TUSC3: variants seen among roughly 807,000 people sequenced by gnomAD.
The protein encoded by TUSC3 is dolichyl-diphosphooligosaccharide--protein glycosyltransferase subunit TUSC3.
A neutral mutation model predicts 44.8 loss-of-function variants in TUSC3; 45 were observed. The observed-to-expected ratio is 1.00, with a 90% CI of 0.79 to 1.29. The LOEUF is 1.29. Ranked by LOEUF, TUSC3 falls within the 50% of genes most tolerant of loss-of-function variation. The pLI is 0.00. For missense variants in TUSC3, 519 were observed against 437.9 expected (o/e 1.19, Z -1.65); for synonymous variants, 212 against 152.9 (o/e 1.39, Z -2.85).
Position 15,765,060 on chromosome 8 carries a change from T to C in TUSC3, c.*904T>C, listed in dbSNP as rs1356841615. ...ATCCTAGGATTAGTGAATGATTCAA[T>C]GAAGCTTTCTTGAAAACAAACATAG... On this transcript the variant is annotated 3_prime_UTR_variant, in exon 11 of 11. Transcript: ENST00000503731. 1.3e-5 allele frequency: 2 copies of C among 152,068 alleles called. No individual in the cohort carries two copies. The highest frequency in any genetic ancestry group is 2.9e-5 in the Non-Finnish European group (2 of 67,946). 9.4% of individuals were successfully genotyped at this position (152,068 alleles called of 1,614,324 possible). A position where few individuals can be genotyped will look rare whatever the true frequency, so the allele number is the denominator to read the frequency against.
intron 6 of TUSC3, among the ~76,000 whole-genome samples, chr8:15,722,414 AC>A (rs1261185295): frequency 6.6e-6 from 1 of 151,996 alleles, no homozygotes; most frequent in Admixed American, 6.6e-5. Flanking sequence ...GTCACAGTTA[AC>A]CAAAAATCTG....
chr8:15,465,101 G>C (rs752599605), intron 1 of TUSC3, among the ~76,000 whole-genome samples: 22 of 152,030 alleles, frequency 1.4e-4, no homozygotes, highest in Admixed American at 5.2e-4. Flanking sequence ...ACCTGCCTTG[G>C]CTCCCAAATT....
At position 15,546,873 on chromosome 8, in the gene TUSC3, T is replaced by TTGCC. The variant is rs1045305027; in HGVS notation, c.138+6323_138+6326dup. 3.3e-5 allele frequency among the ~76,000 whole-genome samples: 5 copies of TTGCC among 151,662 alleles called. No homozygotes were observed. The East Asian group carries it at 7.8e-4, about 24-fold the overall frequency. ...TTTTTTCATGGTAGTTGGTATCTGT[T>TTGCC]TGCCTGCCTGCCTGCCTGCCTCCCA... On this transcript the variant is annotated intron_variant, in intron 1 of 10. Transcript: ENST00000503731.
At chr8:15,821,713 T>C in the TUSC3 span, among the ~76,000 whole-genome samples, 1 of 152,136 alleles carries the variant, frequency 6.6e-6, no homozygotes, top group African/African-American at 2.4e-5. Flanking sequence ...TGACTTTCCT[T>C]CACAATCTGC....
At chr8:15,548,187 T>G (rs990263292) in intron 1 of TUSC3, among the ~76,000 whole-genome samples, 1 of 151,558 alleles carries the variant, frequency 6.6e-6, no homozygotes, top group East Asian at 2.0e-4. Flanking sequence ...ACGAAGACAA[T>G]TGTATATAAT....
intron 6 of TUSC3, among the ~76,000 whole-genome samples, chr8:15,681,870 T>G (rs1020414028): frequency 6.6e-6 from 1 of 152,168 alleles, no homozygotes; most frequent in Non-Finnish European, 1.5e-5. Context: ...GTATCTTTGC[T>G]GTCATTTGAT....
rs984846636 is a variant in TUSC3, at chr8:15,639,261, G to C, written c.309-11436G>C. Among the ~76,000 whole-genome samples, 33 of 151,932 alleles carry C rather than the reference G, an allele frequency of 2.2e-4. 1 individual carries two copies. The highest frequency in any genetic ancestry group is 8.3e-4 in the South Asian group (4 of 4,808). On this transcript the variant is annotated intron_variant, in intron 2 of 10. Coordinates refer to ENST00000503731, the MANE Select transcript of TUSC3 (RefSeq NM_006765.4). ...AGCGCTTCAGTGATGATCATGTGTC[G>C]ATGCTAGATCACATGATGTTCAGAG...
the TUSC3 span, among the ~76,000 whole-genome samples, chr8:15,782,828 T>C: frequency 1.5e-4 from 23 of 152,290 alleles, no homozygotes; most frequent in African/African-American, 5.5e-4. Flanking sequence ...AAGACCAAGA[T>C]GTCTACTCTC....
intron 2 of TUSC3, among the ~76,000 whole-genome samples, chr8:15,643,408 T>A (rs1228873784): frequency 8.0e-6 from 1 of 125,000 alleles, no homozygotes; most frequent in African/African-American, 2.7e-5. Context: ...TTACTGTTAG[T>A]TGTTTTTTTT....
chr8:15,594,652 A>ATAATG lies in TUSC3; in HGVS notation c.139-28426_139-28422dup, dbSNP rs139567688. Reference sequence around the variant, plus strand: ...TTGCCAGAGCATCTGAATACTCTACATAATGTCTTATGAGATTTTTCAATT... The same window carrying ATAATG: ...TTGCCAGAGCATCTGAATACTCTACATAATGTAATGTCTTATGAGATTTTTCAATT... On this transcript the variant is annotated intron_variant, in intron 1 of 10. Transcript: ENST00000503731. 3.5e-3 allele frequency among the ~76,000 whole-genome samples: 528 copies of ATAATG among 152,254 alleles called. 8 individuals are homozygous for ATAATG. The East Asian group carries it at 0.036, about 11-fold the overall frequency.
the TUSC3 span, among the ~76,000 whole-genome samples, chr8:15,792,043 T>C: frequency 6.6e-6 from 1 of 152,056 alleles, no homozygotes; most frequent in East Asian, 1.9e-4. Flanking sequence ...AGTGTTGTGG[T>C]TCATGGGTTG....
intron 9 of TUSC3, among the ~76,000 whole-genome samples, chr8:15,749,094 G>C (rs532433101): frequency 6.7e-6 from 1 of 148,340 alleles, no homozygotes; most frequent in South Asian, 2.2e-4. Flanking sequence ...TCATTCTTGA[G>C]CTTTTTCCTC....
chr8:15,628,802 C>G (rs888222846), intron 2 of TUSC3, among the ~76,000 whole-genome samples: 1 of 152,144 alleles, frequency 6.6e-6, no homozygotes, highest in Non-Finnish European at 1.5e-5. Context: ...TAGTACTGAG[C>G]AATTTAGTAG....
chr8:15,839,417 G>A, the TUSC3 span, among the ~76,000 whole-genome samples: 3 of 151,898 alleles, frequency 2.0e-5, no homozygotes, highest in African/African-American at 7.3e-5. Context: ...GGTGAGTGAG[G>A]GCATCCCTGA....
chr8:15,764,138 A>G, intron 10 of TUSC3, 65 bp from the exon 11 acceptor site: 2 of 1,415,680 alleles, frequency 1.4e-6, no homozygotes, highest in South Asian at 1.2e-5. Context: ...AGAATGGAAT[A>G]ACAAACATAT....
intron 2 of TUSC3, among the ~76,000 whole-genome samples, chr8:15,530,753 C>G (rs1449924613): frequency 6.6e-6 from 1 of 152,168 alleles, no homozygotes; most frequent in Non-Finnish European, 1.5e-5. Flanking sequence ...TGTATCTATT[C>G]TGAGGTTTGT....
intron 1 of TUSC3, among the ~76,000 whole-genome samples, chr8:15,589,341 C>G (rs554299964): frequency 3.3e-5 from 5 of 152,032 alleles, no homozygotes; most frequent in East Asian, 1.9e-4. Flanking sequence ...TTAACAAGAT[C>G]CTGAAATGAT....
chr8:15,489,586 G>A (rs147453568), intron 2 of TUSC3, among the ~76,000 whole-genome samples: 362 of 152,290 alleles, frequency 2.4e-3, no homozygotes, highest in African/African-American at 7.7e-3. Flanking sequence ...GTTTTGGGGT[G>A]AGATATTTCA....
chr8:15,746,369 A>ATTTTAAAACTTTCAAATTATTCC (rs1811415089), intron 8 of TUSC3, among the ~76,000 whole-genome samples: 1 of 152,100 alleles, frequency 6.6e-6, no homozygotes, highest in Non-Finnish European at 1.5e-5. Flanking sequence ...TGGAAAACAT[A>ATTTTAAAACTTTCAAATTATTCC]TTTTAAAACT....
Sources: gnomAD v4.1 joint callset for allele counts (sites outside exome capture counted in the v4.1 genomes callset) on GRCh38, gnomAD v4.1.1 for gene constraint, MANE v1.5 for transcripts, NCBI Gene and HGNC (gene_info 2026-07-23, HGNC 2026-07-21) for gene names.